ARHGAP22: variants seen among roughly 807,000 people sequenced by gnomAD.
ARHGAP22 encodes the protein rho GTPase-activating protein 22.
In ARHGAP22, 48 loss-of-function variants were observed where a neutral mutation model predicts 59.1. That is an observed-to-expected ratio of 0.81 (90% CI 0.64 to 1.03). The LOEUF (loss-of-function observed/expected upper bound fraction) is 1.03, where lower values mean the gene tolerates loss of function less well. ARHGAP22 is among the 50% of genes least tolerant of loss of function. ARHGAP22 has a pLI of 0.00. For synonymous variants in ARHGAP22, 445 were observed against 416.4 expected (o/e 1.07, Z -0.84); for missense variants, 1,015 against 958.7 (o/e 1.06, Z -0.78).
the ARHGAP22 span, chr10:48,430,915 AAAAG>A: frequency 6.9e-6 from 3 of 435,950 alleles, no homozygotes; most frequent in South Asian, 2.5e-5. Flanking sequence ...GGTAGAGTGA[AAAAG>A]AAAGCTTCTA....
intron 1 of ARHGAP22, among the ~76,000 whole-genome samples, chr10:48,583,429 A>G (rs17010845): frequency 0.076 from 11,624 of 152,134 alleles, 483 homozygotes; most frequent in Middle Eastern, 0.11. Context: ...ATTCCTCCAC[A>G]TTTGTTCATC....
chr10:48,655,273 G>A (rs1250088872), upstream of ARHGAP22, among the ~76,000 whole-genome samples: 1 of 133,182 alleles, frequency 7.5e-6, no homozygotes, highest in African/African-American at 2.8e-5. Flanking sequence ...GGGGGGGGGC[G>A]GGGGACGCTG....
Position 48,450,467 on chromosome 10 carries a change from G to T in ARHGAP22, c.1662C>A (p.Leu554=). The T allele has an allele frequency of 6.5e-7, 1 of 1,543,458 alleles. No homozygotes were observed. ...HTDWALEPSP[L]PSSSEDPKSL... is the part of the protein sequence containing the mutation. ...ACTTGGGGTCCTCGCTGCTGCTGGGGAGCGGGGAGGGCTCCAGGGCCCAGT... is the reference window on the plus strand; with the variant it reads ...ACTTGGGGTCCTCGCTGCTGCTGGGTAGCGGGGAGGGCTCCAGGGCCCAGT... Residue 554 remains leucine, a synonymous_variant, in exon 9 of 10, where the codon CTC becomes CTA. Coordinates refer to ENST00000249601, the MANE Select transcript of ARHGAP22 (RefSeq NM_021226.4).
Position 48,448,043 on chromosome 10 carries a change from G to T in ARHGAP22, c.1869-1424C>A, listed in dbSNP as rs373615659. Among the ~76,000 whole-genome samples, 44 of 150,968 alleles carry T rather than the reference G, an allele frequency of 2.9e-4. 1 individual carries two copies. The highest frequency in any genetic ancestry group is 6.6e-5 in the Admixed American group (1 of 15,102). ...CCTTGTCCCCTGGCAAGCTCTGCTCGGCATGGCACCCAGGTGCACCTGTCA... is the reference window on the plus strand; with the variant it reads ...CCTTGTCCCCTGGCAAGCTCTGCTCTGCATGGCACCCAGGTGCACCTGTCA... On this transcript the variant is annotated intron_variant, in intron 9 of 9. Transcript: ENST00000249601.
At chr10:48,632,843 T>A (rs1204220028) in intron 1 of ARHGAP22, among the ~76,000 whole-genome samples, 1 of 152,230 alleles carries the variant, frequency 6.6e-6, no homozygotes, top group African/African-American at 2.4e-5. Flanking sequence ...AGATTTTACC[T>A]TGTTGTAAGG....
In ARHGAP22 at chr10:48,493,729, G is replaced by T. The variant is rs964904087; in HGVS notation, c.323-13965C>A. The stretch of plus-strand genomic sequence containing the variant: ...GGGCGGGGCAAGAAGGACTTGCTGG[G>T]ATCCCCGCCAGTGGGAGGTCGGCGT... On this transcript the variant is annotated intron_variant, in intron 3 of 9. Coordinates refer to ENST00000249601, the MANE Select transcript of ARHGAP22 (RefSeq NM_021226.4). 7.5e-4 allele frequency: 918 copies of T among 1,220,882 alleles called. 4 individuals carry two copies. Among genetic ancestry groups the T allele is most frequent in the Middle Eastern group, 8.8e-4 (3 of 3,420 alleles). The allele number at this position is 1,220,882 out of a possible 1,614,324, so 75.6% of individuals were successfully genotyped here. A position where few individuals can be genotyped will look rare whatever the true frequency, so the allele number is the denominator to read the frequency against.
chr10:48,465,691 CCT>C (rs2047590556), intron 4 of ARHGAP22, among the ~76,000 whole-genome samples: 1 of 152,224 alleles, frequency 6.6e-6, no homozygotes, highest in African/African-American at 2.4e-5. Context: ...CAGTCATATG[CCT>C]GCTTTTCACT....
intron 3 of ARHGAP22, among the ~76,000 whole-genome samples, chr10:48,543,475 TA>T (rs1461184279): frequency 1.3e-5 from 2 of 152,088 alleles, no homozygotes; most frequent in Non-Finnish European, 2.9e-5. Flanking sequence ...AAGGCAAAAA[TA>T]AACATGTCCT....
intron 3 of ARHGAP22, among the ~76,000 whole-genome samples, chr10:48,534,400 C>T (rs1385771318): frequency 6.6e-6 from 1 of 152,226 alleles, no homozygotes; most frequent in Non-Finnish European, 1.5e-5. Flanking sequence ...CCCCCACCCC[C>T]AGGAGAAATG....
intron 1 of ARHGAP22, among the ~76,000 whole-genome samples, chr10:48,592,397 A>C (rs1234979431): frequency 6.6e-6 from 1 of 152,234 alleles, no homozygotes; most frequent in South Asian, 2.1e-4. Flanking sequence ...TGACTCTCAC[A>C]TTGTTCAACC....
intron 8 of ARHGAP22, among the ~76,000 whole-genome samples, chr10:48,452,076 G>T (rs1045259499): frequency 1.3e-5 from 2 of 151,782 alleles, no homozygotes; most frequent in African/African-American, 4.8e-5. Flanking sequence ...ATATAATCTC[G>T]CACACACACA....
chr10:48,621,771 G>A (rs2061294571), intron 1 of ARHGAP22, among the ~76,000 whole-genome samples: 1 of 152,158 alleles, frequency 6.6e-6, no homozygotes, highest in African/African-American at 2.4e-5. Context: ...TATTATTGTT[G>A]CACCATTTAT....
intron 3 of ARHGAP22, among the ~76,000 whole-genome samples, chr10:48,536,013 C>T (rs529436891): frequency 3.3e-4 from 51 of 152,288 alleles, no homozygotes; most frequent in African/African-American, 1.1e-3. Context: ...AGGAGAAAGG[C>T]GCAGGATGGG....
intron 1 of ARHGAP22, among the ~76,000 whole-genome samples, chr10:48,610,965 C>A (rs1589157044): frequency 6.6e-6 from 1 of 152,326 alleles, no homozygotes; most frequent in South Asian, 2.1e-4. Flanking sequence ...TCCATGCCTA[C>A]CACACTTGGG....
At chr10:48,623,383 C>G (rs1050504081) in intron 1 of ARHGAP22, among the ~76,000 whole-genome samples, 1 of 152,220 alleles carries the variant, frequency 6.6e-6, no homozygotes, top group Non-Finnish European at 1.5e-5. Context: ...TTCTTACTGT[C>G]TTTGTCGAGA....
chr10:48,490,054 C>T (rs78943361), intron 3 of ARHGAP22, among the ~76,000 whole-genome samples: 2,565 of 152,158 alleles, frequency 0.017, 71 homozygotes, highest in African/African-American at 0.058. Context: ...TTAAACAGTG[C>T]TTAGGGTCCA....
intron 3 of ARHGAP22, among the ~76,000 whole-genome samples, chr10:48,540,381 G>A (rs947783375): frequency 3.3e-5 from 5 of 152,236 alleles, no homozygotes; most frequent in African/African-American, 4.8e-5. Flanking sequence ...ACAGGCATGC[G>A]CCACTGTGCC....
chr10:48,477,518 G>T (rs1004050922), intron 4 of ARHGAP22, among the ~76,000 whole-genome samples: 1 of 152,188 alleles, frequency 6.6e-6, no homozygotes, highest in Non-Finnish European at 1.5e-5. Context: ...TTCTATGTAG[G>T]ACATGCTTCA....
At chr10:48,429,922 G>C in the ARHGAP22 span, 8 of 152,138 alleles carry the variant, frequency 5.3e-5, no homozygotes, top group Admixed American at 5.2e-4. Context: ...CTCAGAAGAG[G>C]GTTCACTACT....
Sources: gnomAD v4.1 joint callset for allele counts (sites outside exome capture counted in the v4.1 genomes callset) on GRCh38, gnomAD v4.1.1 for gene constraint, MANE v1.5 for transcripts, NCBI Gene and HGNC (gene_info 2026-07-23, HGNC 2026-07-21) for gene names.